Variants in KAZN observed in about 807,000 individuals in gnomAD.
KAZN encodes the protein kazrin, periplakin interacting protein.
In KAZN, 40 loss-of-function variants were observed where a neutral mutation model predicts 87.4. The observed-to-expected ratio is 0.46, with a 90% CI of 0.36 to 0.60. KAZN has a LOEUF of 0.60. Among genes scored for constraint, KAZN ranks in the 20% least tolerant of loss-of-function variants. KAZN has a pLI of 0.00. For missense variants in KAZN, 898 were observed against 1,073.9 expected (o/e 0.84, Z 2.29); for synonymous variants, 466 against 458.3 (o/e 1.02, Z -0.22).
chr1:14,627,941 C>T (rs188558458), intron 1 of KAZN, among the ~76,000 whole-genome samples: 4 of 152,164 alleles, frequency 2.6e-5, no homozygotes, highest in East Asian at 1.9e-4. Context: ...CAGATGTTTC[C>T]GACGGCTGAT....
chr1:14,226,017 A>T (rs1224875209), intron 2 of KAZN, among the ~76,000 whole-genome samples: 1 of 152,178 alleles, frequency 6.6e-6, no homozygotes, highest in African/African-American at 2.4e-5. Context: ...ATAGGACCTA[A>T]TCAAACTAAA....
intron 13 of KAZN, 39 bp from the exon 14 acceptor site, chr1:15,112,388 T>C (rs1279739143): frequency 8.7e-7 from 1 of 1,150,606 alleles, no homozygotes; most frequent in East Asian, 2.6e-5. Context: ...GGGAGCTGAC[T>C]GAGCCTCCCC....
At chr1:14,330,582 G>T (rs1156909946) in intron 2 of KAZN, among the ~76,000 whole-genome samples, 1 of 152,206 alleles carries the variant, frequency 6.6e-6, no homozygotes, top group Non-Finnish European at 1.5e-5. Flanking sequence ...CACTTGAAAA[G>T]CCAGATTTGC....
Position 15,098,786 on chromosome 1 carries a change from A to G in KAZN, c.1548-2757A>G, listed in dbSNP as rs544220693. On this transcript the variant is annotated intron_variant, in intron 10 of 14. Transcript: ENST00000376030. ...CTCCAGCTGGGCAGCCTCCAGGTGG[A>G]CTGGGGCAGATGACCCGCTCACCCA... Among the ~76,000 whole-genome samples, 8 of 152,370 alleles carry G rather than the reference A, an allele frequency of 5.3e-5. No homozygotes were observed. In the South Asian group the frequency reaches 1.4e-3, roughly 28 times the overall value.
chr1:14,127,383 A>G (rs533241066), intron 1 of KAZN, among the ~76,000 whole-genome samples: 1 of 144,646 alleles, frequency 6.9e-6, no homozygotes, highest in Non-Finnish European at 1.5e-5. Context: ...GAGAAAAAGC[A>G]TACCCCTTTA....
At chr1:14,566,055 G>C (rs1222331518) in intron 2 of KAZN, among the ~76,000 whole-genome samples, 1 of 152,138 alleles carries the variant, frequency 6.6e-6, no homozygotes, top group Non-Finnish European at 1.5e-5. Context: ...CTTTCCAGAA[G>C]GTTTTCAATT....
chr1:14,320,514 C>A (rs188880609), intron 2 of KAZN, among the ~76,000 whole-genome samples: 1 of 152,010 alleles, frequency 6.6e-6, no homozygotes, highest in East Asian at 1.9e-4. Context: ...CACCTGCAAC[C>A]CCCCATTGCT....
chr1:13,994,871 T>TAAAC (rs3031975), intron 1 of KAZN, among the ~76,000 whole-genome samples: 20,790 of 150,530 alleles, frequency 0.14, 1,532 homozygotes, highest in Middle Eastern at 0.22. Flanking sequence ...TGCAGCATGC[T>TAAAC]AAACAAACAA....
intron 1 of KAZN, among the ~76,000 whole-genome samples, chr1:14,875,401 A>T (rs1176294475): frequency 7.1e-6 from 1 of 140,284 alleles, no homozygotes; most frequent in Admixed American, 7.4e-5. Context: ...TTATGGGTTT[A>T]TTTGGTTGTT....
chr1:14,540,145 A>G (rs1363441102), intron 2 of KAZN, among the ~76,000 whole-genome samples: 14 of 152,192 alleles, frequency 9.2e-5, no homozygotes, highest in Admixed American at 6.5e-5. Context: ...TCACTTTATC[A>G]TCCCCAAGAG....
intron 1 of KAZN, among the ~76,000 whole-genome samples, chr1:14,789,079 C>A (rs1374931881): frequency 6.6e-6 from 1 of 152,162 alleles, no homozygotes; most frequent in Non-Finnish European, 1.5e-5. Context: ...TTTTGATATG[C>A]GGATGAGGGT....
chr1:14,457,503 G>C (rs1377872209), intron 2 of KAZN, among the ~76,000 whole-genome samples: 1 of 151,952 alleles, frequency 6.6e-6, no homozygotes, highest in Non-Finnish European at 1.5e-5. Context: ...GTCCATTTTT[G>C]AACAGAAATA....
chr1:14,120,072 T>G (rs1644718105), intron 1 of KAZN, among the ~76,000 whole-genome samples: 1 of 152,180 alleles, frequency 6.6e-6, no homozygotes, highest in Non-Finnish European at 1.5e-5. Flanking sequence ...ATTGTATTAA[T>G]CCGTTCTTGC....
chr1:14,568,991 G>A (rs1018543190), intron 2 of KAZN, among the ~76,000 whole-genome samples: 3 of 152,202 alleles, frequency 2.0e-5, no homozygotes, highest in Non-Finnish European at 4.4e-5. Context: ...CCATTCGGTT[G>A]ATGCAGAGTC....
At chr1:14,229,357 G>C (rs190236543) in intron 2 of KAZN, among the ~76,000 whole-genome samples, 1 of 152,118 alleles carries the variant, frequency 6.6e-6, no homozygotes, top group African/African-American at 2.4e-5. Flanking sequence ...CGAGTGCTTC[G>C]TGAAAATATA....
chr1:14,422,428 C>T (rs187843349), intron 2 of KAZN, among the ~76,000 whole-genome samples: 9 of 152,306 alleles, frequency 5.9e-5, no homozygotes, highest in East Asian at 5.8e-4. Context: ...CAGAACAAAA[C>T]GCTACGCAGC....
chr1:14,946,023 A>G, intron 1 of KAZN: 1 of 493,022 alleles, frequency 2.0e-6, no homozygotes, highest in African/African-American at 2.1e-5. Flanking sequence ...GCCCTGGGAG[A>G]TGAATACTAT....
intron 1 of KAZN, among the ~76,000 whole-genome samples, chr1:14,153,231 C>A (rs537447322): frequency 6.6e-6 from 1 of 152,252 alleles, no homozygotes; most frequent in South Asian, 2.1e-4. Flanking sequence ...TTTGCTTTGG[C>A]TGCCTATGCT....
At chr1:14,222,838 A>G (rs948812992) in intron 2 of KAZN, among the ~76,000 whole-genome samples, 3 of 152,178 alleles carry the variant, frequency 2.0e-5, no homozygotes, top group Non-Finnish European at 4.4e-5. Flanking sequence ...TGCAAATATT[A>G]TGATGAATAG....
Sources: allele counts gnomAD v4.1 joint callset (sites outside exome capture counted in the v4.1 genomes callset), GRCh38; gene constraint gnomAD v4.1.1; transcripts MANE v1.5; gene names NCBI Gene and HGNC (gene_info 2026-07-23, HGNC 2026-07-21).